Variants in UGT1A9 observed in about 807,000 individuals in gnomAD.
UGT1A9 encodes the protein UDP glucuronosyltransferase family 1 member A9, also known as UDP-glucuronosyltransferase 1A9.
A neutral mutation model predicts 45.0 loss-of-function variants in UGT1A9; 35 were observed. The observed-to-expected ratio is 0.78, with a 90% CI of 0.59 to 1.03. The LOEUF (loss-of-function observed/expected upper bound fraction) is 1.03. UGT1A9 is among the 50% of genes least tolerant of loss of function. UGT1A9 has a pLI of 0.00. For synonymous variants in UGT1A9, 278 were observed against 250.6 expected, an observed-to-expected ratio of 1.11 and a Z score of -1.03; for missense variants, 687 against 666.6, an observed-to-expected ratio of 1.03 and a Z score of -0.34.
At chr2:233,693,700 C>A in intron 1 of UGT1A9, 1 of 1,614,174 alleles carries the variant, frequency 6.2e-7, no homozygotes, top group Non-Finnish European at 8.5e-7. Context: ...ATGAAGAACT[C>A]GCATCAGCTG....
chr2:233,747,645 T>G, intron 1 of UGT1A9: 1 of 1,586,272 alleles, frequency 6.3e-7, no homozygotes, highest in Non-Finnish European at 8.7e-7. Context: ...GAATGCTACT[T>G]CCTTCGATGT....
Position 233,672,285 on chromosome 2 carries a change from T to C in UGT1A9, c.351T>C (p.Phe117=), listed in dbSNP as rs1472432556. 3 of 1,613,882 alleles carry C rather than the reference T, an allele frequency of 1.9e-6. No homozygotes were observed. Among genetic ancestry groups the C allele is most frequent in the East Asian group, 4.5e-5 (2 of 44,892 alleles). ...SLLMGSYNDI[F]DLFFSNCRSL... is the part of the protein sequence containing the mutation. ...TAATGGGTTCATACAATGACATTTT[T>C]GACTTATTTTTTTCAAATTGCAGGA... Residue 117 remains phenylalanine (F), a synonymous_variant, in exon 1 of 5, where the codon TTT becomes TTC. Coordinates refer to ENST00000354728, the MANE Select transcript of UGT1A9 (RefSeq NM_021027.3).
At chr2:233,713,803 C>A in intron 1 of UGT1A9, 12 of 1,614,054 alleles carry the variant, frequency 7.4e-6, no homozygotes, top group Non-Finnish European at 8.5e-6. Flanking sequence ...CCGATCATGC[C>A]CAACATGGTC....
At chr2:233,735,547 G>A (rs571609142) in intron 1 of UGT1A9, among the ~76,000 whole-genome samples, 2 of 152,250 alleles carry the variant, frequency 1.3e-5, no homozygotes, top group South Asian at 4.1e-4. Flanking sequence ...ATTTGATCCT[G>A]TCATTATGGT....
At chr2:233,747,534 A>G in intron 1 of UGT1A9, 1 of 1,605,506 alleles carries the variant, frequency 6.2e-7, no homozygotes. Context: ...ACATTTTCTG[A>G]AGACATTTTC....
At chr2:233,705,262 T>C (rs2075837578) in intron 1 of UGT1A9, among the ~76,000 whole-genome samples, 1 of 152,150 alleles carries the variant, frequency 6.6e-6, no homozygotes, top group Admixed American at 6.5e-5. Flanking sequence ...TTCTATGGGG[T>C]CACTTGCTTT....
At chr2:233,724,307 C>A (rs2077214825) in intron 1 of UGT1A9, among the ~76,000 whole-genome samples, 1 of 146,936 alleles carries the variant, frequency 6.8e-6, no homozygotes, top group Non-Finnish European at 1.5e-5. Flanking sequence ...CCACCTCCCT[C>A]CCGGACGGGG....
intron 1 of UGT1A9, among the ~76,000 whole-genome samples, chr2:233,714,963 A>T (rs1575508656): frequency 6.6e-6 from 1 of 151,772 alleles, no homozygotes; most frequent in South Asian, 2.1e-4. Context: ...TGCAACCTCC[A>T]CCTCCCAGGT....
At chr2:233,678,568 C>A (rs2074421602) in intron 1 of UGT1A9, among the ~76,000 whole-genome samples, 1 of 152,136 alleles carries the variant, frequency 6.6e-6, no homozygotes, top group Non-Finnish European at 1.5e-5. Flanking sequence ...CAGTACTAAT[C>A]CTTCTTCCCC....
chr2:233,729,188 G>A, intron 1 of UGT1A9: 4 of 1,613,988 alleles, frequency 2.5e-6, no homozygotes, highest in Non-Finnish European at 3.4e-6. Context: ...CTTCTCCTCA[G>A]TGTCCAGCCC....
intron 1 of UGT1A9, chr2:233,681,866 C>G (rs2074542960): frequency 6.5e-7 from 1 of 1,534,710 alleles, no homozygotes; most frequent in Admixed American, 2.1e-5. Flanking sequence ...CAGGTTCTAT[C>G]TGTACTTCTT....
At chr2:233,679,569 G>GT (rs1328684774) in intron 1 of UGT1A9, among the ~76,000 whole-genome samples, 2 of 151,752 alleles carry the variant, frequency 1.3e-5, no homozygotes, top group Non-Finnish European at 2.9e-5. Context: ...GTTTGTTTTT[G>GT]TTTTTTCCAG....
At chr2:233,696,854 A>G (rs1038185212) in intron 1 of UGT1A9, among the ~76,000 whole-genome samples, 3 of 152,116 alleles carry the variant, frequency 2.0e-5, no homozygotes, top group East Asian at 1.9e-4. Flanking sequence ...AATTTTGTTG[A>G]ATGTTTTTTC....
intron 1 of UGT1A9, among the ~76,000 whole-genome samples, chr2:233,732,619 T>A (rs2078290035): frequency 6.6e-6 from 1 of 152,210 alleles, no homozygotes; most frequent in African/African-American, 2.4e-5. Flanking sequence ...TGGTTGTAGA[T>A]GTGTGGTGTT....
In UGT1A9 at chr2:233,671,926, A is replaced by C. The variant is rs1559333805; in HGVS notation, c.-9A>C. On this transcript the variant is annotated 5_prime_UTR_variant, in exon 1 of 5. Transcript: ENST00000354728. ...TTCCCAGCTGCTTGCTCTCAGCTGC[A>C]GTTCTCTGATGGCTTGCACAGGGTG... 1 of 1,598,452 alleles carries C rather than the reference A, an allele frequency of 6.3e-7. No individual in the cohort carries two copies. Among genetic ancestry groups the C allele is most frequent in the East Asian group, 2.2e-5 (1 of 44,768 alleles).
Position 233,769,434 on chromosome 2 carries a change from T to C in UGT1A9, c.1295+995T>C, listed in dbSNP as rs999407687. 1.3e-5 allele frequency: 20 copies of C among 1,542,190 alleles called. No homozygotes were observed. Among genetic ancestry groups the C allele is most frequent in the Non-Finnish European group, 1.7e-5 (19 of 1,120,764 alleles). On this transcript the variant is annotated intron_variant, in intron 4 of 4. Coordinates refer to ENST00000354728, the MANE Select transcript of UGT1A9 (RefSeq NM_021027.3). This position sits in a 1 kb window ranked among gnomAD's most constrained non-coding sequence, Gnocchi z 4.4. ...GCGTTTGTGCATGTGGCTGTGCTCA[T>C]GTGTGGGTGCACACGTGTGCATTCA...
intron 1 of UGT1A9, among the ~76,000 whole-genome samples, chr2:233,762,146 C>G (rs541150164): frequency 2.2e-4 from 33 of 152,272 alleles, no homozygotes; most frequent in Admixed American, 4.6e-4. Context: ...TGTGACTTTG[C>G]ATTAATCACA....
At chr2:233,693,016 C>G (rs769422699) in intron 1 of UGT1A9, 1 of 1,613,998 alleles carries the variant, frequency 6.2e-7, no homozygotes, top group Non-Finnish European at 8.5e-7. Context: ...TGGCCTGCCT[C>G]CTTCGCTCAT....
chr2:233,689,672 G>T (rs1472377037), intron 1 of UGT1A9, among the ~76,000 whole-genome samples: 1 of 152,170 alleles, frequency 6.6e-6, no homozygotes, highest in Non-Finnish European at 1.5e-5. Flanking sequence ...CAAGAACAAA[G>T]AATGGCTGTC....
Sources: gnomAD v4.1 joint callset for allele counts (sites outside exome capture counted in the v4.1 genomes callset) on GRCh38, gnomAD v4.1.1 for gene constraint, Gnocchi (gnomAD v3.1) non-coding constraint, MANE v1.5 for transcripts, NCBI Gene and HGNC (gene_info 2026-07-23, HGNC 2026-07-21) for gene names.